PTGES3: variants seen among roughly 807,000 people sequenced by gnomAD.
The protein encoded by PTGES3 is Hsp90 co-chaperone.
A neutral mutation model predicts 29.9 loss-of-function variants in PTGES3; 5 were observed. That is an observed-to-expected ratio of 0.17 (90% CI 0.09 to 0.35). The LOEUF (loss-of-function observed/expected upper bound fraction) is 0.35. Ranked by LOEUF, PTGES3 falls within the 10% of genes least tolerant of loss-of-function variation. The pLI is 1.00. For missense variants in PTGES3, 128 were observed against 190.0 expected, an observed-to-expected ratio of 0.67 and a Z score of 1.92; for synonymous variants, 49 against 57.8, an observed-to-expected ratio of 0.85 and a Z score of 0.69.
chr12:56,683,958 A>G (rs79364785), intron 1 of PTGES3, among the ~76,000 whole-genome samples: 2 of 42,218 alleles, frequency 4.7e-5, no homozygotes, highest in African/African-American at 8.7e-5. Context: ...ACTCCGTCTC[A>G]AAAAAAAAAA....
chr12:56,687,177 C>CA (rs1952913795), intron 1 of PTGES3: 2 of 1,035,834 alleles, frequency 1.9e-6, no homozygotes, highest in African/African-American at 1.7e-5. Flanking sequence ...ATCTTTGGGA[C>CA]GACTGTAGGT....
At chr12:56,671,726 C>A in intron 4 of PTGES3, 23 bp downstream of exon 4, 2 of 1,438,248 alleles carry the variant, frequency 1.4e-6, no homozygotes, top group African/African-American at 1.4e-5. Context: ...TCAAACTTTT[C>A]AAAAAAGGAA....
At chr12:56,669,110 A>G (rs1951898486) in intron 5 of PTGES3, among the ~76,000 whole-genome samples, 1 of 147,386 alleles carries the variant, frequency 6.8e-6, no homozygotes, top group East Asian at 2.1e-4. Context: ...CCTGGGTTCA[A>G]GCAATTCTCC....
chr12:56,672,904 G>C, intron 2 of PTGES3, 48 bp downstream of exon 2: 2 of 1,559,184 alleles, frequency 1.3e-6, no homozygotes, highest in Non-Finnish European at 1.7e-6. Flanking sequence ...AAGTTATTCA[G>C]TTGTGTGAAT....
intron 1 of PTGES3, chr12:56,687,689 C>A (rs566355300): frequency 6.9e-6 from 9 of 1,296,152 alleles, no homozygotes; most frequent in Middle Eastern, 2.9e-4. Context: ...GAGCAGCTAC[C>A]GGGAGCTTAA....
intron 3 of PTGES3, among the ~76,000 whole-genome samples, chr12:56,672,208 A>G (rs534400455): frequency 5.3e-5 from 8 of 152,312 alleles, no homozygotes; most frequent in African/African-American, 1.4e-4. Context: ...CTATTCTTAG[A>G]TAAGGGAAGC....
At position 56,688,009 on chromosome 12, in the gene PTGES3, G is replaced by A; in HGVS notation, c.-10C>T. 6.4e-7 allele frequency: 1 copy of A among 1,551,514 alleles called. No individual in the cohort carries two copies. Among genetic ancestry groups the A allele is most frequent in the Non-Finnish European group, 8.7e-7 (1 of 1,148,160 alleles). On this transcript the variant is annotated 5_prime_UTR_variant, in exon 1 of 8. Coordinates refer to ENST00000262033, the MANE Select transcript of PTGES3 (RefSeq NM_006601.7). ...GGTGTCGCACTCACATTGTGAACGG[G>A]GCAGGGGGACGGGCGAACTGGTGGG...
At chr12:56,687,198 C>T (rs1952915777) in intron 1 of PTGES3, 1 of 1,063,652 alleles carries the variant, frequency 9.4e-7, no homozygotes, top group South Asian at 4.6e-5. Context: ...TAATTAAATG[C>T]CTACTACATA....
In PTGES3 at chr12:56,664,778, T is replaced by G; in HGVS notation, c.461A>C (p.Glu154Ala). Residue 154 changes from glutamate (E) to alanine (A), a missense_variant and splice_region_variant, in exon 7 of 8, where the codon GAA (glutamate) becomes GCA (alanine). Transcript: ENST00000262033. ...ACATACTTTTTATATACACTTACTTTCATCATCACTGTCTTGTGAATCCTG... is the reference window on the plus strand; with the variant it reads ...ACATACTTTTTATATACACTTACTTGCATCATCACTGTCTTGTGAATCCTG... ...ADDDSQDSDD[E>A]KMPDLE 1 of 1,595,818 alleles carries G rather than the reference T, an allele frequency of 6.3e-7. No homozygotes were observed. The highest frequency in any genetic ancestry group is 8.6e-7 in the Non-Finnish European group (1 of 1,167,232).
intron 1 of PTGES3, among the ~76,000 whole-genome samples, chr12:56,674,171 A>T (rs1952124230): frequency 6.6e-6 from 1 of 152,176 alleles, no homozygotes; most frequent in South Asian, 2.1e-4. Context: ...TTTAAATGAC[A>T]AGTAAATATG....
intron 1 of PTGES3, among the ~76,000 whole-genome samples, chr12:56,683,433 A>G (rs951678796): frequency 7.5e-6 from 1 of 133,210 alleles, no homozygotes; most frequent in Non-Finnish European, 1.5e-5. Flanking sequence ...AGACCGTGAC[A>G]TTGCACTTCA....
chr12:56,686,669 GC>G (rs1952876647), intron 1 of PTGES3, among the ~76,000 whole-genome samples: 4 of 152,020 alleles, frequency 2.6e-5, no homozygotes, highest in Non-Finnish European at 4.4e-5. Flanking sequence ...GAGCCACCGC[GC>G]CCAGCCTAAT....
chr12:56,671,444 CA>C (rs1217235715), intron 4 of PTGES3, among the ~76,000 whole-genome samples: 1 of 152,232 alleles, frequency 6.6e-6, no homozygotes, highest in East Asian at 1.9e-4. Flanking sequence ...CTTTTGAAAA[CA>C]AATTTACTAG....
chr12:56,688,041 T>G lies in PTGES3; in HGVS notation c.-42A>C, dbSNP rs747584782. The stretch of plus-strand genomic sequence containing the variant: ...GGACGGGCGAACTGGTGGGCGGGCC[T>G]CTCTGGCGGCGGCTGCTGCTAGGGA... On this transcript the variant is annotated 5_prime_UTR_variant, in exon 1 of 8. Transcript: ENST00000262033. The G allele has an allele frequency of 1.3e-6, 2 of 1,504,744 alleles. No individual in the cohort carries two copies. The highest frequency in any genetic ancestry group is 2.5e-5 in the South Asian group (2 of 80,468). 93.2% of individuals were successfully genotyped at this position (1,504,744 alleles called of 1,614,324 possible). A position where few individuals can be genotyped will look rare whatever the true frequency, so the allele number is the denominator to read the frequency against.
At chr12:56,669,664 T>A (rs543541727) in intron 5 of PTGES3, among the ~76,000 whole-genome samples, 1 of 151,958 alleles carries the variant, frequency 6.6e-6, no homozygotes, top group African/African-American at 2.4e-5. Context: ...CAGGCTGGAG[T>A]CCAGTGGCAC....
At chr12:56,679,570 T>C (rs1952431792) in intron 1 of PTGES3, among the ~76,000 whole-genome samples, 2 of 152,196 alleles carry the variant, frequency 1.3e-5, no homozygotes, top group South Asian at 2.1e-4. Flanking sequence ...ACAATGGTTA[T>C]GAGTTTAGCC....
At position 56,688,160 on chromosome 12, in the gene PTGES3, C is replaced by G; in HGVS notation, c.-161G>C. 3 of 1,318,422 alleles carry G rather than the reference C, an allele frequency of 2.3e-6. 1 individual carries two copies. The highest frequency in any genetic ancestry group is 3.3e-5 in the South Asian group (2 of 61,364). The allele number at this position is 1,318,422 out of a possible 1,614,324, so 81.7% of individuals were successfully genotyped here. ...CGACGGCGGCAGCGGCGGGCTCGAC[C>G]TCGGGCCCCAGAATGCACCGCGCGG... On this transcript the variant is annotated 5_prime_UTR_variant, in exon 1 of 8. Transcript: ENST00000262033.
chr12:56,685,010 A>T (rs1372689073), intron 1 of PTGES3, among the ~76,000 whole-genome samples: 2 of 152,116 alleles, frequency 1.3e-5, no homozygotes, highest in African/African-American at 4.8e-5. Context: ...AGTCCCAGCT[A>T]CTCGGGAGAC....
In PTGES3 at chr12:56,680,399, T is replaced by TG. The variant is rs543263647; in HGVS notation, c.3-7335dup. The stretch of plus-strand genomic sequence containing the variant: ...CCAATTTTCTTTCTTTTTTTTTTTT[T>TG]GGGGGGACAGAGTTTCACTCTTGCT... On this transcript the variant is annotated intron_variant, in intron 1 of 7. Coordinates refer to ENST00000262033, the MANE Select transcript of PTGES3 (RefSeq NM_006601.7). Among the ~76,000 whole-genome samples the TG allele has an allele frequency of 1.9e-3, 288 of 150,060 alleles. 2 individuals are homozygous for TG. The East Asian group carries it at 0.033, about 17-fold the overall frequency.
Sources: allele counts gnomAD v4.1 joint callset (sites outside exome capture counted in the v4.1 genomes callset), GRCh38; gene constraint gnomAD v4.1.1; transcripts MANE v1.5; gene names NCBI Gene and HGNC (gene_info 2026-07-23, HGNC 2026-07-21).